CNTNAP2: variants seen among roughly 807,000 people sequenced by gnomAD.
CNTNAP2 encodes contactin-associated protein-like 2.
CNTNAP2 carries 98 observed loss-of-function variants against 155.2 expected under a neutral mutation model. That is an observed-to-expected ratio of 0.63 (90% confidence interval 0.54 to 0.75). CNTNAP2 has a LOEUF of 0.75. Ranked by LOEUF, CNTNAP2 falls within the 30% of genes least tolerant of loss-of-function variation. CNTNAP2 has a pLI of 0.00. For synonymous variants in CNTNAP2, 651 were observed against 631.2 expected (o/e 1.03, Z -0.47); for missense variants, 1,727 against 1,688.1 (o/e 1.02, Z -0.40).
intron 8 of CNTNAP2, among the ~76,000 whole-genome samples, chr7:147,280,239 G>A (rs538996551): frequency 6.6e-6 from 1 of 151,834 alleles, no homozygotes; most frequent in South Asian, 2.1e-4. Context: ...CTTTGAGAAC[G>A]GGCTGGGAAT....
chr7:146,729,011 C>T (rs534230010), intron 1 of CNTNAP2, among the ~76,000 whole-genome samples: 2 of 152,306 alleles, frequency 1.3e-5, no homozygotes, highest in South Asian at 2.1e-4. Flanking sequence ...GTGTTGAATA[C>T]CATTCATTTC....
At chr7:147,557,694 A>G (rs1331752059) in intron 11 of CNTNAP2, among the ~76,000 whole-genome samples, 1 of 152,212 alleles carries the variant, frequency 6.6e-6, no homozygotes. Context: ...TCATTAGCTC[A>G]TTCTCTGCAT....
intron 15 of CNTNAP2, among the ~76,000 whole-genome samples, chr7:147,983,301 T>C (rs181601621): frequency 8.5e-5 from 13 of 152,216 alleles, no homozygotes; most frequent in African/African-American, 3.1e-4. Flanking sequence ...TTTATCTCCT[T>C]TTTCTTTGCT....
chr7:146,441,287 T>G (rs1796317249), intron 1 of CNTNAP2, among the ~76,000 whole-genome samples: 2 of 151,560 alleles, frequency 1.3e-5, no homozygotes, highest in Admixed American at 1.3e-4. Flanking sequence ...TCTTCTGGGT[T>G]GGCAAAATAA....
chr7:146,806,131 A>G (rs1802963001), intron 2 of CNTNAP2, among the ~76,000 whole-genome samples: 2 of 152,288 alleles, frequency 1.3e-5, no homozygotes, highest in African/African-American at 4.8e-5. Flanking sequence ...GTATCCCACA[A>G]TAGTTGTTAC....
chr7:148,374,156 C>A (rs148435697), intron 21 of CNTNAP2, among the ~76,000 whole-genome samples: 1 of 151,928 alleles, frequency 6.6e-6, no homozygotes, highest in Non-Finnish European at 1.5e-5. Context: ...AGGTCCATTT[C>A]GTGATGTTTA....
At chr7:148,373,370 C>G (rs549956577) in intron 21 of CNTNAP2, among the ~76,000 whole-genome samples, 1 of 152,088 alleles carries the variant, frequency 6.6e-6, no homozygotes, top group African/African-American at 2.4e-5. Context: ...GCACAAGAAT[C>G]GCTTGAACCC....
At chr7:147,922,624 T>G (rs1639991707) in intron 14 of CNTNAP2, among the ~76,000 whole-genome samples, 1 of 152,192 alleles carries the variant, frequency 6.6e-6, no homozygotes, top group Non-Finnish European at 1.5e-5. Flanking sequence ...AAGTGCTTTG[T>G]CTAGGCCAAC....
intron 1 of CNTNAP2, among the ~76,000 whole-genome samples, chr7:146,342,115 T>C (rs1794740099): frequency 6.6e-6 from 1 of 152,114 alleles, no homozygotes; most frequent in Admixed American, 6.6e-5. Context: ...ATGCTTGCCA[T>C]TTACCTGTGC....
intron 22 of CNTNAP2, among the ~76,000 whole-genome samples, chr7:148,394,134 A>C (rs1039715177): frequency 3.3e-5 from 5 of 151,874 alleles, no homozygotes; most frequent in African/African-American, 1.2e-4. Flanking sequence ...AAATTATTCC[A>C]TGTTTTTTAT....
At chr7:147,588,533 T>G (rs10243945) in intron 12 of CNTNAP2, among the ~76,000 whole-genome samples, 46,694 of 152,000 alleles carry the variant, frequency 0.31, 8,322 homozygotes, top group African/African-American at 0.49. Context: ...AAGACATATT[T>G]CCCTAGGTTT....
At chr7:146,400,569 T>C (rs1255838346) in intron 1 of CNTNAP2, among the ~76,000 whole-genome samples, 1 of 152,218 alleles carries the variant, frequency 6.6e-6, no homozygotes, top group African/African-American at 2.4e-5. Flanking sequence ...GAGATTTCTA[T>C]TTTTGCAGAA....
intron 3 of CNTNAP2, among the ~76,000 whole-genome samples, chr7:146,939,051 TCTAGGAGGAAAAA>T (rs1796989388): frequency 6.6e-6 from 1 of 152,080 alleles, no homozygotes; most frequent in Non-Finnish European, 1.5e-5. Flanking sequence ...TCATAATGTA[TCTAGGAGGAAAAA>T]TATTTATCAC....
At chr7:148,176,412 T>G (rs1399168211) in intron 18 of CNTNAP2, among the ~76,000 whole-genome samples, 1 of 151,798 alleles carries the variant, frequency 6.6e-6, no homozygotes, top group Non-Finnish European at 1.5e-5. Context: ...GTACAGACGG[T>G]TTCAACATGT....
intron 1 of CNTNAP2, among the ~76,000 whole-genome samples, chr7:146,328,058 G>C (rs1381953421): frequency 2.0e-5 from 3 of 152,202 alleles, no homozygotes; most frequent in African/African-American, 4.8e-5. Context: ...TCCATGGCCT[G>C]TTAGGGACGT....
rs1483165324 is a variant in CNTNAP2, at chr7:146,592,870, G to A, written c.98-181401G>A. 5.9e-5 allele frequency among the ~76,000 whole-genome samples: 9 copies of A among 152,184 alleles called. 1 individual carries two copies. In the South Asian group the frequency reaches 8.3e-4, roughly 14 times the overall value. On this transcript the variant is annotated intron_variant, in intron 1 of 23. Coordinates refer to ENST00000361727, the MANE Select transcript of CNTNAP2 (RefSeq NM_014141.6). Reference sequence around the variant, plus strand: ...CAGTGGTGGCAGGCTGGACAGAACCGCTACAGCTTGCAAACTGCATGCAGT... The same window carrying A: ...CAGTGGTGGCAGGCTGGACAGAACCACTACAGCTTGCAAACTGCATGCAGT...
intron 13 of CNTNAP2, among the ~76,000 whole-genome samples, chr7:147,816,529 T>C (rs777221032): frequency 3.9e-5 from 6 of 152,176 alleles, no homozygotes; most frequent in Non-Finnish European, 8.8e-5. Context: ...GATCTTGAGC[T>C]AGAATTTTAA....
chr7:146,173,126 A>G (rs2116823303), intron 1 of CNTNAP2, among the ~76,000 whole-genome samples: 1 of 152,296 alleles, frequency 6.6e-6, no homozygotes, highest in South Asian at 2.1e-4. Flanking sequence ...AAATCTGCTC[A>G]AAGGATTTTT....
At chr7:147,067,147 C>T (rs1012001684) in intron 4 of CNTNAP2, among the ~76,000 whole-genome samples, 6 of 151,962 alleles carry the variant, frequency 3.9e-5, no homozygotes, top group Admixed American at 6.6e-5. Flanking sequence ...AAAAATTAGC[C>T]GGGCATGGTG....
Sources: gnomAD v4.1 joint callset for allele counts (sites outside exome capture counted in the v4.1 genomes callset) on GRCh38, gnomAD v4.1.1 for gene constraint, MANE v1.5 for transcripts, NCBI Gene and HGNC (gene_info 2026-07-23, HGNC 2026-07-21) for gene names.